The following CRELD2 variants were observed in gnomAD, a reference collection of about 807,000 sequenced individuals.
CRELD2 encodes protein disulfide isomerase CRELD2.
Under a neutral mutation model 48.1 loss-of-function variants are expected in CRELD2, and 33 were observed. The observed-to-expected ratio is 0.69, with a 90% confidence interval of 0.52 to 0.92. The LOEUF is 0.92. Among genes scored for constraint, CRELD2 ranks in the 40% least tolerant of loss-of-function variants. The pLI, the probability that CRELD2 is intolerant of heterozygous loss-of-function variation, is 0.00. For synonymous variants in CRELD2, 220 were observed against 203.9 expected, an observed-to-expected ratio of 1.08 and a Z score of -0.67; for missense variants, 477 against 482.4, an observed-to-expected ratio of 0.99 and a Z score of 0.10.
In CRELD2 at chr22:49,919,620, C is replaced by T. The variant is rs979294849; in HGVS notation, c.213-110C>T. On this transcript the variant is annotated intron_variant, in intron 2 of 9. Transcript: ENST00000328268. ...CAGTGGGGTCCCCTTATTCTCTGTGCCCGGAGTCCTGGCTCCCCGGCCCCT... is the reference window on the plus strand; with the variant it reads ...CAGTGGGGTCCCCTTATTCTCTGTGTCCGGAGTCCTGGCTCCCCGGCCCCT... The T allele has an allele frequency of 5.4e-5, 41 of 756,156 alleles. No homozygotes were observed. In the African/African-American group the frequency reaches 6.0e-4, roughly 11 times the overall value. 46.8% of individuals were successfully genotyped at this position (756,156 alleles called of 1,614,324 possible). A position where few individuals can be genotyped will look rare whatever the true frequency, so the allele number is the denominator to read the frequency against.
Position 49,919,318 on chromosome 22 carries a change from TG to T in CRELD2, c.212+7del. On this transcript the variant is annotated splice_region_variant and intron_variant, in intron 2 of 9. Transcript: ENST00000328268. ...CTGTCCAAGTACGAGTCCAGGTGGG[TG>T]CCCTGGAGCACCCCTGTGGGTCTTG... is the stretch of plus-strand genomic sequence containing the variant. The T allele has an allele frequency of 6.2e-7, 1 of 1,612,508 alleles. No homozygotes were observed. The highest frequency in any genetic ancestry group is 1.1e-5 in the South Asian group (1 of 91,030).
intron 8 of CRELD2, 163 bp downstream of exon 8, chr22:49,924,618 A>G: frequency 2.0e-6 from 1 of 509,786 alleles, no homozygotes; most frequent in Non-Finnish European, 3.6e-6. Context: ...TCCACGTGAG[A>G]CACAGAAGCA....
rs531753624 is a variant in CRELD2 at position 49,927,499 on chromosome 22, C to A, written c.*192C>A. 2 of 595,424 alleles carry A rather than the reference C, an allele frequency of 3.4e-6. No homozygotes were observed. The highest frequency in any genetic ancestry group is 6.1e-6 in the Non-Finnish European group (2 of 329,536). The allele number at this position is 595,424 out of a possible 1,614,324, so 36.9% of individuals were successfully genotyped here. On this transcript the variant is annotated 3_prime_UTR_variant, in exon 10 of 10. Transcript: ENST00000328268. The stretch of plus-strand genomic sequence containing the variant: ...CAGACTTGTATATTTTGATACAGTT[C>A]TTTGTAATAAAATTGACCATTGTAG...
At chr22:49,921,342 G>A (rs2060684660) in intron 4 of CRELD2, 11 of 537,844 alleles carry the variant, frequency 2.0e-5, no homozygotes, top group Non-Finnish European at 3.0e-5. Flanking sequence ...TGACCTAAAC[G>A]TCATCATGCA....
rs762375609 is a variant in CRELD2 at position 49,924,356 on chromosome 22, G to A, written c.773-4G>A. On this transcript the variant is annotated splice_polypyrimidine_tract_variant and splice_region_variant and intron_variant, in intron 7 of 9. Transcript: ENST00000328268. ...CGGGGTCTGACGCTGGCTCCCTGTT[G>A]CAGAGTGTGACTCCAGCTGTGTGGG... 6.2e-7 allele frequency: 1 copy of A among 1,608,538 alleles called. No individual in the cohort carries two copies. Among genetic ancestry groups the A allele is most frequent in the Non-Finnish European group, 8.5e-7 (1 of 1,177,076 alleles).
chr22:49,922,846 CGTGAG>C, intron 6 of CRELD2, 139 bp downstream of exon 6: 1 of 45,948 alleles, frequency 2.2e-5, no homozygotes, highest in Non-Finnish European at 3.3e-5. Flanking sequence ...GAGGTGGGGG[CGTGAG>C]GTGTGGGGCT....
In CRELD2 at chr22:49,920,376, G is replaced by A. The variant is rs75311970; in HGVS notation, c.415+129G>A. 3.4e-3 allele frequency: 2,162 copies of A among 635,060 alleles called. 39 individuals are homozygous for A. Among genetic ancestry groups the A allele is most frequent in the African/African-American group, 0.034 (1,842 of 54,370 alleles). 39.3% of individuals were successfully genotyped at this position (635,060 alleles called of 1,614,324 possible). A position where few individuals can be genotyped will look rare whatever the true frequency, so the allele number is the denominator to read the frequency against. ...TTTCTGTAGGGTCTGGGACCCTGCC[G>A]GATGGCTGCCTCCCCCATCCCCAAC... On this transcript the variant is annotated intron_variant, in intron 4 of 9. Coordinates refer to ENST00000328268, the MANE Select transcript of CRELD2 (RefSeq NM_024324.5).
intron 6 of CRELD2, among the ~76,000 whole-genome samples, 165 bp downstream of exon 6, chr22:49,922,872 G>T (rs1207763361): frequency 1.4e-5 from 1 of 73,774 alleles, no homozygotes; most frequent in Non-Finnish European, 2.6e-5. Flanking sequence ...TGGGGTGTGG[G>T]GGGCGTGAGG....
At chr22:49,924,784 C>T in intron 8 of CRELD2, 1 of 208,816 alleles carries the variant, frequency 4.8e-6, no homozygotes, top group Non-Finnish European at 9.8e-6. Context: ...TCCAGGCCTG[C>T]CATGGTTGTG....
rs1213108957 is a variant in CRELD2, at chr22:49,922,646, G to A, written c.627G>A (p.Leu209=). The change falls in exon 6 of 10, where the codon CTG becomes CTA. Residue 209 remains leucine, a synonymous_variant. Coordinates refer to ENST00000328268, the MANE Select transcript of CRELD2 (RefSeq NM_024324.5). ...CDESCKTCSG[L]TNRDCGECEV... is the part of the protein sequence containing the mutation. The stretch of plus-strand genomic sequence containing the variant: ...AGTCCTGCAAGACGTGCTCGGGCCT[G>A]ACCAACAGAGACTGCGGCGAGTGTG... 2 of 1,571,862 alleles carry A rather than the reference G, an allele frequency of 1.3e-6. No homozygotes were observed. Among genetic ancestry groups the A allele is most frequent in the Non-Finnish European group, 1.7e-6 (2 of 1,158,526 alleles).
At chr22:49,924,161 C>G (rs2060732417) in intron 7 of CRELD2, 199 bp from the exon 8 acceptor site, 1 of 505,642 alleles carries the variant, frequency 2.0e-6, no homozygotes, top group African/African-American at 1.9e-5. Context: ...CACCATGGCT[C>G]TCCGGGAGCA....
chr22:49,924,698 C>T (rs866265199), intron 8 of CRELD2: 7 of 322,422 alleles, frequency 2.2e-5, no homozygotes, highest in Admixed American at 4.8e-5. Flanking sequence ...AGCCTCTCGC[C>T]GGTGGCCTCG....
intron 5 of CRELD2, 95 bp downstream of exon 5, chr22:49,921,856 G>A (rs927769316): frequency 9.5e-5 from 122 of 1,290,348 alleles, no homozygotes; most frequent in Non-Finnish European, 1.1e-4. Context: ...GGGGCCTGTT[G>A]ATCTTTAACC....
At position 49,919,838 on chromosome 22, in the gene CRELD2, G is replaced by A. The variant is rs754064134; in HGVS notation, c.321G>A (p.Gln107=). The change falls in exon 3 of 10, where the codon CAG becomes CAA. Residue 107 remains glutamine, a splice_region_variant and synonymous_variant. Coordinates refer to ENST00000328268, the MANE Select transcript of CRELD2 (RefSeq NM_024324.5). ...AGCACCTGGAGGCCTGGTGGCTGCAGCTGTGAGTGCCTTAAAACCTCTTAG... is the reference window on the plus strand; with the variant it reads ...AGCACCTGGAGGCCTGGTGGCTGCAACTGTGAGTGCCTTAAAACCTCTTAG... ...QEEHLEAWWL[Q]LKSEYPDLFE... The A allele has an allele frequency of 7.5e-6, 12 of 1,595,314 alleles. No homozygotes were observed. In the South Asian group the frequency reaches 1.1e-4, roughly 15 times the overall value.
intron 7 of CRELD2, chr22:49,924,040 G>A (rs1397743261): frequency 7.7e-6 from 2 of 259,460 alleles, no homozygotes; most frequent in African/African-American, 4.5e-5. Flanking sequence ...TTATTCTTAG[G>A]AAGCTCCTGG....
chr22:49,922,900 TGGGGCGTGAGGTGTGGGGGCGTGAGGTG>T lies in CRELD2; in HGVS notation c.688+214_688+241del, dbSNP rs1250313158. 7.9e-3 allele frequency among the ~76,000 whole-genome samples: 346 copies of T among 43,850 alleles called. 10 individuals are homozygous for T. Among genetic ancestry groups the T allele is most frequent in the African/African-American group, 0.025 (305 of 11,992 alleles). 28.8% of individuals were successfully genotyped at this position (43,850 alleles called of 152,430 possible). A position where few individuals can be genotyped will look rare whatever the true frequency, so the allele number is the denominator to read the frequency against. On this transcript the variant is annotated intron_variant, in intron 6 of 9. Coordinates refer to ENST00000328268, the MANE Select transcript of CRELD2 (RefSeq NM_024324.5). ...GCGTGAGGTGTGGGGGAGCATGAGG[TGGGGCGTGAGGTGTGGGGGCGTGAGGTG>T]GGGGCGTGAGGTGTGGGGGCACTCA...
At chr22:49,920,097 T>C in intron 3 of CRELD2, 59 bp from the exon 4 acceptor site, 1 of 1,131,840 alleles carries the variant, frequency 8.8e-7, no homozygotes, top group East Asian at 2.3e-5. Context: ...TTCAGCTGCA[T>C]GTTTGTTTTA....
chr22:49,925,813 A>T, intron 9 of CRELD2: 1 of 1,239,388 alleles, frequency 8.1e-7, no homozygotes. Context: ...TCTGAAGCTC[A>T]GACCTCAGCG....
Position 49,922,723 on chromosome 22 carries a change from G to A in CRELD2, c.688+16G>A, listed in dbSNP as rs1205718447. On this transcript the variant is annotated intron_variant, in intron 6 of 9. Transcript: ENST00000328268. Reference sequence around the variant, plus strand: ...GCCTGTGTGGGTGAGGAGCGGCCCGGGGGTGGAGGAGGGCGCCTGCGTGAG... The same window carrying A: ...GCCTGTGTGGGTGAGGAGCGGCCCGAGGGTGGAGGAGGGCGCCTGCGTGAG... 6.6e-7 allele frequency: 1 copy of A among 1,504,090 alleles called. No individual in the cohort carries two copies. The highest frequency in any genetic ancestry group is 1.2e-5 in the South Asian group (1 of 82,486). 93.2% of individuals were successfully genotyped at this position (1,504,090 alleles called of 1,614,324 possible).
Sources: allele counts gnomAD v4.1 joint callset (sites outside exome capture counted in the v4.1 genomes callset), GRCh38; gene constraint gnomAD v4.1.1; transcripts MANE v1.5; gene names NCBI Gene and HGNC (gene_info 2026-07-23, HGNC 2026-07-21).